Variants in FBXL18 observed in about 807,000 individuals in gnomAD.
The protein encoded by FBXL18 is F-box and leucine rich repeat protein 18.
In FBXL18, 36 loss-of-function variants were observed where a neutral mutation model predicts 46.0. That is an observed-to-expected ratio of 0.78 (90% CI 0.60 to 1.03). The LOEUF (loss-of-function observed/expected upper bound fraction) is 1.03. Among genes scored for constraint, FBXL18 ranks in the 50% least tolerant of loss-of-function variants. The pLI, the probability that FBXL18 is intolerant of heterozygous loss-of-function variation, is 0.00. For synonymous variants in FBXL18, 557 were observed against 465.3 expected (o/e 1.20, Z -2.54); for missense variants, 977 against 1,004.1 (o/e 0.97, Z 0.36).
Position 5,501,087 on chromosome 7 carries a change from G to A in FBXL18, c.1182C>T (p.His394=). 1 of 1,612,130 alleles carries A rather than the reference G, an allele frequency of 6.2e-7. No individual in the cohort carries two copies. Among genetic ancestry groups the A allele is most frequent in the East Asian group, 2.2e-5 (1 of 44,878 alleles). The change falls in exon 3 of 5, where the codon CAC becomes CAT. Residue 394 remains histidine, a synonymous_variant. Transcript: ENST00000382368. ...NLRHLNLSAA[H]HHSSEGLGRH... is the part of the protein sequence containing the mutation. Reference sequence around the variant, plus strand: ...GGCCCAGGCCCTCCGAGCTGTGGTGGTGGGCGGCCGAGAGGTTCAGGTGGC... The same window carrying A: ...GGCCCAGGCCCTCCGAGCTGTGGTGATGGGCGGCCGAGAGGTTCAGGTGGC...
chr7:5,497,826 C>T (rs1252102332), intron 3 of FBXL18, among the ~76,000 whole-genome samples: 1 of 152,196 alleles, frequency 6.6e-6, no homozygotes, highest in Non-Finnish European at 1.5e-5. Flanking sequence ...AGGATGGGCT[C>T]AGTGCATGGC....
At chr7:5,471,986 G>A (rs1387573285), downstream of FBXL18, among the ~76,000 whole-genome samples, 2 of 152,200 alleles carry the variant, frequency 1.3e-5, no homozygotes, top group African/African-American at 4.8e-5. Context: ...TCCTCGGGAG[G>A]CTGGGGCAGG....
chr7:5,463,003 A>ATATATATG, intron 4 of FBXL18, among the ~76,000 whole-genome samples: 1 of 111,408 alleles, frequency 9.0e-6, no homozygotes, highest in South Asian at 2.7e-4. Flanking sequence ...TATAATATAT[A>ATATATATG]TACACACACA....
chr7:5,504,618 T>G (rs1784346940), intron 2 of FBXL18, among the ~76,000 whole-genome samples: 2 of 144,114 alleles, frequency 1.4e-5, no homozygotes, highest in African/African-American at 5.0e-5. Flanking sequence ...ATTTTTATCT[T>G]TAAGATTCAT....
At chr7:5,484,732 G>A (rs1017829201) in intron 4 of FBXL18, among the ~76,000 whole-genome samples, 1 of 148,930 alleles carries the variant, frequency 6.7e-6, no homozygotes, top group Admixed American at 6.8e-5. Context: ...TCCGCCTCCC[G>A]AGCTTAAACG....
Position 5,500,953 on chromosome 7 carries a change from G to C in FBXL18, c.1316C>G (p.Pro439Arg). 1 of 1,537,004 alleles carries C rather than the reference G, an allele frequency of 6.5e-7. No homozygotes were observed. Among genetic ancestry groups the C allele is most frequent in the East Asian group, 2.3e-5 (1 of 43,756 alleles). The change falls in exon 3 of 5, where the codon CCG becomes CGG. Residue 439 changes from proline (P) to arginine (R), a missense_variant. Transcript: ENST00000382368. ...APRADRAPAQ[P>R]AMHAVPRGFG... ...GCCGCGCGGCACTGCGTGCATGGCC[G>C]GCTGGGCGGGCGCGCGGTCGGCGCG...
At chr7:5,487,128 C>T (rs1288729365) in intron 4 of FBXL18, among the ~76,000 whole-genome samples, 1 of 152,234 alleles carries the variant, frequency 6.6e-6, no homozygotes, top group African/African-American at 2.4e-5. Context: ...GACCCCTAGG[C>T]CCACACAGGT....
chr7:5,471,509 C>A (rs938307123), downstream of FBXL18, among the ~76,000 whole-genome samples: 2 of 152,148 alleles, frequency 1.3e-5, no homozygotes, highest in Non-Finnish European at 2.9e-5. Flanking sequence ...ATCTCCTGAC[C>A]TCGTGATCCG....
chr7:5,509,192 CA>C (rs35365443), intron 1 of FBXL18, among the ~76,000 whole-genome samples: 43,278 of 103,178 alleles, frequency 0.42, 6,407 homozygotes, highest in Admixed American at 0.47. Flanking sequence ...GACTCTGTCT[CA>C]AAAAAAAAAA....
intron 4 of FBXL18, among the ~76,000 whole-genome samples, chr7:5,490,390 C>G (rs1783891190): frequency 6.6e-6 from 1 of 152,210 alleles, no homozygotes; most frequent in Non-Finnish European, 1.5e-5. Context: ...TCGCCTCCTC[C>G]TAATTTGTGT....
Position 5,513,794 on chromosome 7 carries a change from G to T in FBXL18, c.-120C>A. Reference sequence around the variant, plus strand: ...TCAACCGAGACCCCGGCAAGGAGCGGGCTCTCGTCACTTCCGGCGCCCGCC... The same window carrying T: ...TCAACCGAGACCCCGGCAAGGAGCGTGCTCTCGTCACTTCCGGCGCCCGCC... On this transcript the variant is annotated 5_prime_UTR_variant, in exon 1 of 5. Transcript: ENST00000382368. 7.2e-7 allele frequency: 1 copy of T among 1,398,372 alleles called. No homozygotes were observed. Among genetic ancestry groups the T allele is most frequent in the Admixed American group, 2.3e-5 (1 of 43,122 alleles). The allele number at this position is 1,398,372 out of a possible 1,614,324, so 86.6% of individuals were successfully genotyped here.
chr7:5,475,543 CCT>C (rs1164481657), downstream of FBXL18, among the ~76,000 whole-genome samples: 1 of 152,192 alleles, frequency 6.6e-6, no homozygotes, highest in Non-Finnish European at 1.5e-5. This position sits in a 1 kb window ranked among gnomAD's most constrained non-coding sequence, Gnocchi z 4.2. Context: ...TACGCAGCCT[CCT>C]CTTTCACCTT....
chr7:5,464,238 G>C (rs956657768), intron 4 of FBXL18, among the ~76,000 whole-genome samples: 1 of 152,004 alleles, frequency 6.6e-6, no homozygotes, highest in African/African-American at 2.4e-5. Flanking sequence ...CAGCACTTTG[G>C]GAGGCCGAGG....
intron 4 of FBXL18, among the ~76,000 whole-genome samples, chr7:5,484,185 C>G (rs1019145442): frequency 1.9e-4 from 29 of 152,124 alleles, no homozygotes; most frequent in Non-Finnish European, 2.6e-4. Context: ...GAGCTGCTGT[C>G]GGCTGGCCGT....
intron 3 of FBXL18, among the ~76,000 whole-genome samples, chr7:5,492,267 G>A (rs183700605): frequency 3.5e-3 from 533 of 151,006 alleles, no homozygotes; most frequent in Non-Finnish European, 6.1e-3. Flanking sequence ...GCCATGTCTC[G>A]AAGTACAGTG....
intron 4 of FBXL18, among the ~76,000 whole-genome samples, chr7:5,491,011 G>C (rs917509566): frequency 6.6e-6 from 1 of 152,196 alleles, no homozygotes; most frequent in Non-Finnish European, 1.5e-5. Context: ...GGAGAGGAGA[G>C]CTTGAACTAT....
At chr7:5,491,490 C>A in intron 3 of FBXL18, 41 bp from the exon 4 acceptor site, 1 of 1,500,870 alleles carries the variant, frequency 6.7e-7, no homozygotes, top group African/African-American at 1.4e-5. Flanking sequence ...GAGGGAGGGG[C>A]TCGCAGGCCA....
intron 3 of FBXL18, among the ~76,000 whole-genome samples, chr7:5,497,711 T>G (rs1328336805): frequency 1.3e-5 from 2 of 152,082 alleles, no homozygotes; most frequent in African/African-American, 4.8e-5. Flanking sequence ...AGGGCCAAGG[T>G]CAAGCACCGG....
intron 4 of FBXL18, among the ~76,000 whole-genome samples, chr7:5,469,418 T>A (rs933511151): frequency 7.2e-5 from 11 of 151,988 alleles, no homozygotes; most frequent in Admixed American, 2.0e-4. Flanking sequence ...TCAAAAAAAA[T>A]TTTTTTAAAA....
Sources: gnomAD v4.1 joint callset for allele counts (sites outside exome capture counted in the v4.1 genomes callset) on GRCh38, gnomAD v4.1.1 for gene constraint, Gnocchi (gnomAD v3.1) non-coding constraint, MANE v1.5 for transcripts, NCBI Gene and HGNC (gene_info 2026-07-23, HGNC 2026-07-21) for gene names.